FANCM: variants seen among roughly 807,000 people sequenced by gnomAD.
FANCM encodes FA complementation group M.
A neutral mutation model predicts 199.5 loss-of-function variants in FANCM; 140 were observed. That is an observed-to-expected ratio of 0.70 (90% CI 0.61 to 0.81). FANCM has a LOEUF of 0.81. FANCM is among the 30% of genes least tolerant of loss of function. The probability of loss-of-function intolerance (pLI) is 0.00; values close to 1 mark genes in which losing one functional copy is unlikely to be tolerated. For synonymous variants in FANCM, 840 were observed against 836.8 expected (o/e 1.00, Z -0.07); for missense variants, 2,410 against 2,421.4 (o/e 1.00, Z 0.10).
chr14:45,173,410 T>C (rs1286148822), intron 13 of FANCM, among the ~76,000 whole-genome samples, 200 bp downstream of exon 13: 1 of 152,242 alleles, frequency 6.6e-6, no homozygotes, highest in East Asian at 1.9e-4. Context: ...TCTGTAAATA[T>C]TGATAGACCA....
intron 6 of FANCM, 59 bp from the exon 7 acceptor site, chr14:45,154,638 T>G: frequency 8.8e-7 from 1 of 1,134,150 alleles, no homozygotes; most frequent in Non-Finnish European, 1.3e-6. Context: ...TTTTAATAAA[T>G]AATACATTTT....
intron 10 of FANCM, among the ~76,000 whole-genome samples, chr14:45,165,850 G>A (rs143909972): frequency 1.3e-5 from 2 of 152,182 alleles, no homozygotes; most frequent in East Asian, 1.9e-4. Context: ...ATTGTGCTGC[G>A]TAATGTTCCA....
Position 45,200,728 on chromosome 14 carries a change from G to C in FANCM, c.*720G>C, listed in dbSNP as rs992330568. 6.6e-6 allele frequency: 1 copy of C among 152,172 alleles called. No homozygotes were observed. Among genetic ancestry groups the C allele is most frequent in the Non-Finnish European group, 1.5e-5 (1 of 68,040 alleles). The allele number at this position is 152,172 out of a possible 1,614,324, so 9.4% of individuals were successfully genotyped here. A position where few individuals can be genotyped will look rare whatever the true frequency, so the allele number is the denominator to read the frequency against. On this transcript the variant is annotated 3_prime_UTR_variant, in exon 23 of 23. Transcript: ENST00000267430. Reference sequence around the variant, plus strand: ...TCTAGTGATAGTTCTCAGAGGATCTGATGGTTTTATAAGCTTTTCCTCTGT... The same window carrying C: ...TCTAGTGATAGTTCTCAGAGGATCTCATGGTTTTATAAGCTTTTCCTCTGT...
At position 45,199,872 on chromosome 14, in the gene FANCM, C is replaced by A; in HGVS notation, c.6011C>A (p.Ser2004Ter). 3 of 1,611,790 alleles carry A rather than the reference C, an allele frequency of 1.9e-6. No individual in the cohort carries two copies. The highest frequency in any genetic ancestry group is 2.2e-5 in the South Asian group (2 of 91,054). ...ATTTTGTCTCATTTATTTTTCAGCT[C>A]ACTTCAAGAAATCTCCATGTATGCA... is the stretch of plus-strand genomic sequence containing the variant. ...FSSVKRMANS[S>*]LQEISMYAQV... Residue 2004 changes from serine (S) to a stop codon, truncating the protein, a stop_gained and splice_region_variant, in exon 23 of 23, where the codon TCA becomes TAA. Coordinates refer to ENST00000267430, the MANE Select transcript of FANCM (RefSeq NM_020937.4). LOFTEE classifies it high-confidence loss of function.
chr14:45,180,101 A>G (rs866624702), intron 14 of FANCM, among the ~76,000 whole-genome samples: 1 of 151,936 alleles, frequency 6.6e-6, no homozygotes, highest in Admixed American at 6.6e-5. Context: ...TGTTATGGCA[A>G]CTCCCTATTT....
chr14:45,161,853 C>T (rs1198747368), intron 9 of FANCM, among the ~76,000 whole-genome samples: 4 of 152,022 alleles, frequency 2.6e-5, no homozygotes, highest in East Asian at 1.9e-4. Flanking sequence ...GTGGAGAGAC[C>T]GGTTGGGAGA....
Position 45,198,750 on chromosome 14 carries a change from C to T in FANCM, c.5823C>T (p.Thr1941=), listed in dbSNP as rs766031579. Residue 1941 remains threonine (T), a synonymous_variant, in exon 22 of 23, where the codon ACC becomes ACT. Coordinates refer to ENST00000267430, the MANE Select transcript of FANCM (RefSeq NM_020937.4). The part of the protein sequence containing the change: ...RILFSSCQEE[T]ADLLKELSLV... ...TTTTCAGTTCCTGCCAAGAAGAAAC[C>T]GCAGATTTGCTAAAGGAACTGTCTT... 1.4e-5 allele frequency: 22 copies of T among 1,613,772 alleles called. No homozygotes were observed. The highest frequency in any genetic ancestry group is 4.0e-5 in the African/African-American group (3 of 74,870).
In FANCM at chr14:45,136,153, C is replaced by A. The variant is rs548726090; in HGVS notation, c.122C>A (p.Pro41His). Residue 41 changes from proline to histidine, a missense_variant, in exon 1 of 23, where the codon CCT becomes CAT. Transcript: ENST00000267430. ...CAGAGCCCTGGCAGCTCCAAGGCGC[C>A]TTTGCCAGCAGCAGCGGAGGCTCAG... ...RPQSPGSSKA[P>H]LPAAAEAQLE... 6.2e-7 allele frequency: 1 copy of A among 1,614,078 alleles called. No individual in the cohort carries two copies. The highest frequency in any genetic ancestry group is 1.3e-5 in the African/African-American group (1 of 74,926).
chr14:45,186,242 G>A lies in FANCM; in HGVS notation c.4672+869G>A, dbSNP rs575004795. Among the ~76,000 whole-genome samples the A allele has an allele frequency of 1.4e-4, 22 of 152,294 alleles. No individual in the cohort carries two copies. In the South Asian group the frequency reaches 4.1e-3, roughly 29 times the overall value. On this transcript the variant is annotated intron_variant, in intron 18 of 22. Coordinates refer to ENST00000267430, the MANE Select transcript of FANCM (RefSeq NM_020937.4). The stretch of plus-strand genomic sequence containing the variant: ...GTTAGGAAGAGGCCTCATTGAGAAG[G>A]TGACATCATCAGAGACTAGAAGAAG...
intron 3 of FANCM, among the ~76,000 whole-genome samples, chr14:45,146,292 T>C (rs1017587622): frequency 6.6e-6 from 1 of 151,910 alleles, no homozygotes; most frequent in African/African-American, 2.4e-5. Context: ...GTGCCTCTTT[T>C]AGCAATATGA....
intron 7 of FANCM, 140 bp downstream of exon 7, chr14:45,154,962 AT>A: frequency 1.7e-6 from 1 of 601,704 alleles, no homozygotes; most frequent in Non-Finnish European, 2.8e-6. Flanking sequence ...TAAATATTTC[AT>A]TTTTTAAGAT....
At position 45,175,246 on chromosome 14, in the gene FANCM, A is replaced by C; in HGVS notation, c.2492A>C (p.Glu831Ala). Residue 831 changes from glutamate to alanine, a missense_variant, in exon 14 of 23, where the codon GAA becomes GCA. By Grantham distance (107) the Glu-to-Ala change is moderately radical (BLOSUM62 -1). Transcript: ENST00000267430. Reference sequence around the variant, plus strand: ...CAAGGCAGTTCATCCTCAGTGATAGAATCTGATGAAGAATGTGCTGAAATT... The same window carrying C: ...CAAGGCAGTTCATCCTCAGTGATAGCATCTGATGAAGAATGTGCTGAAATT... ...INQGSSSSVIESDEECAEIVK... is the reference protein window; with the variant it reads ...INQGSSSSVIASDEECAEIVK... 1.9e-6 allele frequency: 3 copies of C among 1,609,580 alleles called. No individual in the cohort carries two copies. The highest frequency in any genetic ancestry group is 2.5e-6 in the Non-Finnish European group (3 of 1,178,588).
intron 19 of FANCM, among the ~76,000 whole-genome samples, chr14:45,188,279 C>T (rs536957773): frequency 6.6e-6 from 1 of 152,248 alleles, no homozygotes; most frequent in Admixed American, 6.5e-5. Flanking sequence ...GCAGAGGTTG[C>T]AATGAGCCAA....
intron 19 of FANCM, among the ~76,000 whole-genome samples, chr14:45,188,424 G>C (rs1324424003): frequency 1.3e-5 from 2 of 152,000 alleles, no homozygotes; most frequent in Non-Finnish European, 2.9e-5. Context: ...GAAAATTATA[G>C]GTTATGTCAC....
At chr14:45,192,532 A>G (rs2139308125) in intron 20 of FANCM, among the ~76,000 whole-genome samples, 1 of 152,336 alleles carries the variant, frequency 6.6e-6, no homozygotes, top group South Asian at 2.1e-4. Flanking sequence ...AGCCCCAGCT[A>G]TTCAGGAGGC....
Position 45,159,096 on chromosome 14 carries a change from C to G in FANCM, c.1397C>G (p.Ala466Gly). 6.4e-7 allele frequency: 1 copy of G among 1,557,462 alleles called. No individual in the cohort carries two copies. Among genetic ancestry groups the G allele is most frequent in the South Asian group, 1.1e-5 (1 of 88,112 alleles). Residue 466 changes from alanine to glycine, a missense_variant and splice_region_variant, in exon 9 of 23, where the codon GCT becomes GGT. Physicochemically the swap from Ala to Gly is moderately conservative, Grantham distance 60. Transcript: ENST00000267430. ...TTAAAGTTTTTATATATATATATAG[C>G]TGAAAACACTACTGAAAAGAAACGT... ...VVIEHFKSWN[A>G]ENTTEKKRDE... is the part of the protein sequence containing the mutation.
chr14:45,137,093 A>G lies in FANCM; in HGVS notation c.533A>G (p.Lys178Arg). 1 of 1,613,406 alleles carries G rather than the reference A, an allele frequency of 6.2e-7. No individual in the cohort carries two copies. Among genetic ancestry groups the G allele is most frequent in the East Asian group, 2.2e-5 (1 of 44,858 alleles). Reference sequence around the variant, plus strand: ...GGGTCTACACAAGCTTCCACCAGGAAGGAAATATGGTGCAGTAAGAGAGTG... The same window carrying G: ...GGGTCTACACAAGCTTCCACCAGGAGGGAAATATGGTGCAGTAAGAGAGTG... ...MTGSTQASTRKEIWCSKRVLF... is the reference protein window; with the variant it reads ...MTGSTQASTRREIWCSKRVLF... The change falls in exon 2 of 23, where the codon AAG (lysine) becomes AGG (arginine). Residue 178 changes from lysine (K) to arginine (R), a missense_variant. Lys to Arg is a conservative substitution (Grantham distance 26). Transcript: ENST00000267430.
intron 3 of FANCM, among the ~76,000 whole-genome samples, chr14:45,147,006 A>G (rs1459020330): frequency 3.3e-5 from 5 of 152,186 alleles, no homozygotes; most frequent in South Asian, 2.1e-4. Context: ...TATCAGCTAC[A>G]TGAATGTAGG....
At chr14:45,138,474 G>T (rs28406098) in intron 2 of FANCM, among the ~76,000 whole-genome samples, 7,866 of 151,892 alleles carry the variant, frequency 0.052, 670 homozygotes, top group African/African-American at 0.18. Flanking sequence ...TCCACTTATT[G>T]ATATCATTCC....
Sources: gnomAD v4.1 joint callset for allele counts (sites outside exome capture counted in the v4.1 genomes callset) on GRCh38, gnomAD v4.1.1 for gene constraint, MANE v1.5 for transcripts, NCBI Gene and HGNC (gene_info 2026-07-23, HGNC 2026-07-21) for gene names.